The following FOXO3 variants were observed in gnomAD, a reference collection of about 807,000 sequenced individuals.
The protein encoded by FOXO3 is forkhead box protein O3.
In FOXO3, 4 loss-of-function variants were observed where a neutral mutation model predicts 41.9. That is an observed-to-expected ratio of 0.10 (90% CI 0.05 to 0.22). FOXO3 has a LOEUF of 0.22. Among genes scored for constraint, FOXO3 ranks in the 10% least tolerant of loss-of-function variants. The pLI is 1.00. For missense variants in FOXO3, 534 were observed against 906.8 expected, an observed-to-expected ratio of 0.59 and a Z score of 5.28; for synonymous variants, 318 against 389.3, an observed-to-expected ratio of 0.82 and a Z score of 2.16.
chr6:108,588,500 C>T (rs1194152382), intron 1 of FOXO3, among the ~76,000 whole-genome samples: 3 of 152,148 alleles, frequency 2.0e-5, no homozygotes, highest in Admixed American at 6.5e-5. Context: ...ATAAAGAATG[C>T]ATTTGTTATT....
chr6:108,579,768 T>C (rs527690681), intron 1 of FOXO3, among the ~76,000 whole-genome samples: 2 of 151,116 alleles, frequency 1.3e-5, no homozygotes, highest in South Asian at 4.1e-4. Context: ...GAATAAAGCC[T>C]GCCCAGTAGC....
chr6:108,564,665 A>G (rs1398442082), intron 1 of FOXO3, among the ~76,000 whole-genome samples: 2 of 152,220 alleles, frequency 1.3e-5, no homozygotes, highest in Non-Finnish European at 1.5e-5. Context: ...TCAGAATCTA[A>G]ATCAGTGGTT....
At chr6:108,643,419 C>G (rs1234972877) in intron 1 of FOXO3, among the ~76,000 whole-genome samples, 3 of 152,182 alleles carry the variant, frequency 2.0e-5, no homozygotes, top group African/African-American at 4.8e-5. Context: ...GAGGTCACGT[C>G]AGAGAGGAGT....
chr6:108,597,382 C>T (rs1306504098), intron 1 of FOXO3, among the ~76,000 whole-genome samples: 4 of 152,160 alleles, frequency 2.6e-5, no homozygotes, highest in Non-Finnish European at 2.9e-5. Context: ...GCTTATGATT[C>T]TGAATGTGGA....
At chr6:108,679,459 C>T (rs1770761627) in intron 2 of FOXO3, among the ~76,000 whole-genome samples, 1 of 152,128 alleles carries the variant, frequency 6.6e-6, no homozygotes, top group Admixed American at 6.5e-5. Context: ...TAGGAAATCC[C>T]TCAGTCCGGA....
intron 1 of FOXO3, among the ~76,000 whole-genome samples, chr6:108,569,526 T>C (rs1776034710): frequency 6.6e-6 from 1 of 152,198 alleles, no homozygotes; most frequent in Non-Finnish European, 1.5e-5. Flanking sequence ...ACTCCTGAGT[T>C]TTTGAGGTTT....
chr6:108,591,674 A>G (rs1292068038), intron 1 of FOXO3, among the ~76,000 whole-genome samples: 1 of 152,170 alleles, frequency 6.6e-6, no homozygotes, highest in Non-Finnish European at 1.5e-5. Context: ...AAAACATCTC[A>G]AGTTATCGTT....
chr6:108,637,179 A>G (rs916207806), intron 1 of FOXO3, among the ~76,000 whole-genome samples: 8 of 152,132 alleles, frequency 5.3e-5, no homozygotes, highest in African/African-American at 7.2e-5. Flanking sequence ...TGGAGAGGCT[A>G]TTTTTCTGTT....
chr6:108,584,574 G>A (rs1713050933), intron 1 of FOXO3, among the ~76,000 whole-genome samples: 1 of 152,130 alleles, frequency 6.6e-6, no homozygotes, highest in South Asian at 2.1e-4. Flanking sequence ...GAGATAACTT[G>A]GTTCATCCGT....
At chr6:108,675,704 A>G (rs1770560853) in intron 2 of FOXO3, among the ~76,000 whole-genome samples, 1 of 152,192 alleles carries the variant, frequency 6.6e-6, no homozygotes, top group South Asian at 2.1e-4. Context: ...CAAATCATCT[A>G]GTTCTGTCTA....
chr6:108,611,822 T>G (rs1429093800), intron 1 of FOXO3, among the ~76,000 whole-genome samples: 1 of 152,176 alleles, frequency 6.6e-6, no homozygotes, highest in Non-Finnish European at 1.5e-5. Flanking sequence ...GATTGCTTAT[T>G]CATTTTGTTA....
intron 1 of FOXO3, among the ~76,000 whole-genome samples, chr6:108,572,462 C>A (rs370520668): frequency 1.4e-3 from 212 of 152,234 alleles, no homozygotes; most frequent in Non-Finnish European, 1.8e-3. Context: ...TATTTACATT[C>A]AAAAAACCAG....
intron 1 of FOXO3, among the ~76,000 whole-genome samples, chr6:108,624,132 C>A (rs1276910480): frequency 6.6e-6 from 1 of 152,098 alleles, no homozygotes; most frequent in Non-Finnish European, 1.5e-5. Flanking sequence ...GAGAAAAATT[C>A]TTTGACCTGC....
At chr6:108,566,202 C>G (rs1216701054) in intron 1 of FOXO3, among the ~76,000 whole-genome samples, 1 of 152,136 alleles carries the variant, frequency 6.6e-6, no homozygotes, top group Non-Finnish European at 1.5e-5. Flanking sequence ...GTAACAGAGA[C>G]TCTTTAAAAA....
intron 1 of FOXO3, among the ~76,000 whole-genome samples, chr6:108,612,540 C>T (rs971876673): frequency 2.0e-5 from 3 of 151,852 alleles, no homozygotes; most frequent in Non-Finnish European, 4.4e-5. Context: ...ATTAGCTGGG[C>T]GTGGTGGTGG....
intron 2 of FOXO3, among the ~76,000 whole-genome samples, chr6:108,666,238 C>T (rs967407758): frequency 1.3e-5 from 2 of 152,148 alleles, no homozygotes; most frequent in African/African-American, 2.4e-5. Context: ...ATGTACCATG[C>T]AACTAGGTAT....
At chr6:108,617,994 C>T (rs1171005868) in intron 1 of FOXO3, 6 of 605,946 alleles carry the variant, frequency 9.9e-6, no homozygotes, top group Non-Finnish European at 1.8e-5. Flanking sequence ...GAAGCAGGTT[C>T]CCTTCTCAGT....
intron 1 of FOXO3, among the ~76,000 whole-genome samples, chr6:108,567,481 T>C (rs1280105820): frequency 6.6e-6 from 1 of 152,188 alleles, no homozygotes; most frequent in Non-Finnish European, 1.5e-5. Context: ...GACTCATCTG[T>C]ATTACTTGTT....
intron 1 of FOXO3, among the ~76,000 whole-genome samples, chr6:108,630,228 G>A (rs1777926824): frequency 1.3e-5 from 2 of 152,120 alleles, no homozygotes; most frequent in African/African-American, 4.8e-5. Context: ...AGTGAGAAAG[G>A]TATGAAGAGG....
Sources: allele counts gnomAD v4.1 joint callset (sites outside exome capture counted in the v4.1 genomes callset), GRCh38; gene constraint gnomAD v4.1.1; transcripts MANE v1.5; gene names NCBI Gene and HGNC (gene_info 2026-07-23, HGNC 2026-07-21).